Variants in ADAM12 observed in about 807,000 individuals in gnomAD.
The protein encoded by ADAM12 is ADAM metallopeptidase domain 12, also known as disintegrin and metalloproteinase domain-containing protein 12.
ADAM12 carries 70 observed loss-of-function variants against 106.4 expected under a neutral mutation model. The observed-to-expected ratio is 0.66, with a 90% CI of 0.54 to 0.80. The LOEUF is 0.80. Among genes scored for constraint, ADAM12 ranks in the 30% least tolerant of loss-of-function variants. The probability of loss-of-function intolerance (pLI) is 0.00; values close to 1 mark genes in which losing one functional copy is unlikely to be tolerated. For synonymous variants in ADAM12, 420 were observed against 433.5 expected, an observed-to-expected ratio of 0.97 and a Z score of 0.39; for missense variants, 1,010 against 1,171.9, an observed-to-expected ratio of 0.86 and a Z score of 2.02.
intron 2 of ADAM12, among the ~76,000 whole-genome samples, chr10:126,281,403 G>T (rs1440992301): frequency 6.6e-6 from 1 of 152,110 alleles, no homozygotes; most frequent in Non-Finnish European, 1.5e-5. Context: ...TATATTATTT[G>T]CAATATCCCT....
rs1229870342 is a variant in ADAM12 at position 126,242,818 on chromosome 10, A to T, written c.260+36097T>A. On this transcript the variant is annotated intron_variant, in intron 3 of 22. Coordinates refer to ENST00000448723, the MANE Select transcript of ADAM12 (RefSeq NM_001288973.2). ...GTCTGCCTCCCAGCTCTGGGTTCAC[A>T]TGGTGAGACAGAGCTCTTGCTGGCT... 2.6e-5 allele frequency among the ~76,000 whole-genome samples: 4 copies of T among 152,146 alleles called. No homozygotes were observed. The East Asian group carries it at 7.7e-4, about 29-fold the overall frequency.
chr10:126,343,344 C>A (rs192460535), intron 1 of ADAM12, among the ~76,000 whole-genome samples: 2,687 of 152,280 alleles, frequency 0.018, 77 homozygotes, highest in African/African-American at 0.062. Flanking sequence ...CATGTCCCTA[C>A]AAAGGATATC....
intron 5 of ADAM12, among the ~76,000 whole-genome samples, chr10:126,120,162 C>A (rs1956059244): frequency 6.6e-6 from 1 of 152,184 alleles, no homozygotes; most frequent in Non-Finnish European, 1.5e-5. Context: ...TAGAATAATT[C>A]ACATACATAC....
chr10:126,055,549 A>G (rs1450742563), intron 14 of ADAM12, among the ~76,000 whole-genome samples: 1 of 151,988 alleles, frequency 6.6e-6, no homozygotes, highest in Admixed American at 6.5e-5. Context: ...TTTCACTTAG[A>G]CTCAGCGTTT....
chr10:126,231,747 G>T (rs1305189740), intron 3 of ADAM12, among the ~76,000 whole-genome samples: 1 of 152,082 alleles, frequency 6.6e-6, no homozygotes, highest in Admixed American at 6.5e-5. Context: ...CCTGCCTCGG[G>T]GCGGCTGCTC....
chr10:126,216,584 C>T lies in ADAM12; in HGVS notation c.261-61279G>A, dbSNP rs142323175. ...AACTCCAGGAAAAGGGCTTATCCTC[C>T]GGGATCATAAATCTTCTCTCCTGAC... On this transcript the variant is annotated intron_variant, in intron 3 of 22. Coordinates refer to ENST00000448723, the MANE Select transcript of ADAM12 (RefSeq NM_001288973.2). Among the ~76,000 whole-genome samples, 401 of 152,330 alleles carry T rather than the reference C, an allele frequency of 2.6e-3. 2 individuals are homozygous for T. Among genetic ancestry groups the T allele is most frequent in the African/African-American group, 8.9e-3 (372 of 41,580 alleles).
rs10159642 is a variant in ADAM12, at chr10:126,155,466, C to A, written c.261-161G>T. Among the ~76,000 whole-genome samples, 184 of 151,158 alleles carry A rather than the reference C, an allele frequency of 1.2e-3. 1 individual carries two copies. The highest frequency in any genetic ancestry group is 4.1e-3 in the African/African-American group (169 of 41,140). The stretch of plus-strand genomic sequence containing the variant: ...CATTAGGGCCTTCCCAGTTTAGGTT[C>A]TCCGGGGAGAATTCAGAGGAGACTC... On this transcript the variant is annotated intron_variant, in intron 3 of 22. Coordinates refer to ENST00000448723, the MANE Select transcript of ADAM12 (RefSeq NM_001288973.2).
At chr10:126,345,026 G>A (rs549070236) in intron 1 of ADAM12, among the ~76,000 whole-genome samples, 1 of 152,192 alleles carries the variant, frequency 6.6e-6, no homozygotes, top group South Asian at 2.1e-4. Flanking sequence ...TCTTTCTCCT[G>A]CCTGATTGCC....
At chr10:126,094,297 G>C (rs143075995) in intron 10 of ADAM12, among the ~76,000 whole-genome samples, 164 bp from the exon 11 acceptor site, 1 of 152,150 alleles carries the variant, frequency 6.6e-6, no homozygotes, top group Non-Finnish European at 1.5e-5. Context: ...AACTTAAAAA[G>C]ATATAATTTG....
At chr10:126,359,771 G>A (rs935990468) in intron 1 of ADAM12, among the ~76,000 whole-genome samples, 35 of 152,292 alleles carry the variant, frequency 2.3e-4, no homozygotes, top group Non-Finnish European at 2.2e-4. Context: ...CTGGAGGATG[G>A]GGCGGCCCTC....
At chr10:126,293,853 G>A (rs893307730) in intron 2 of ADAM12, among the ~76,000 whole-genome samples, 1 of 152,090 alleles carries the variant, frequency 6.6e-6, no homozygotes, top group African/African-American at 2.4e-5. Context: ...CAGATGCCCT[G>A]GCCTTTAAAA....
In ADAM12 at chr10:126,337,736, G is replaced by A. The variant is rs139298925; in HGVS notation, c.89-7227C>T. Among the ~76,000 whole-genome samples the A allele has an allele frequency of 4.1e-3, 622 of 152,194 alleles. 3 individuals carry two copies. The highest frequency in any genetic ancestry group is 0.014 in the African/African-American group (592 of 41,522). On this transcript the variant is annotated intron_variant, in intron 1 of 22. Coordinates refer to ENST00000448723, the MANE Select transcript of ADAM12 (RefSeq NM_001288973.2). ...CACCTAATATTAACCATCACACATG[G>A]ATCTCATTTGGTTTAGGTTGTTTTT...
chr10:126,349,421 C>A (rs574851004), intron 1 of ADAM12, among the ~76,000 whole-genome samples: 7 of 152,316 alleles, frequency 4.6e-5, no homozygotes, highest in South Asian at 2.1e-4. Context: ...ACCTAGAGAG[C>A]TTTGCAGTTC....
Position 126,118,194 on chromosome 10 carries a change from A to G in ADAM12, c.447T>C (p.Tyr149=). The G allele has an allele frequency of 1.9e-6, 3 of 1,613,958 alleles. No individual in the cohort carries two copies. The highest frequency in any genetic ancestry group is 3.3e-4 in the Middle Eastern group (2 of 6,060). ...TTGCACTTTTCATTGGTTCTAAGAC[A>G]TAGCTTTCATTTTCAAACACAATAA... ...RGLIVFENES[Y]VLEPMKSATN... Residue 149 remains tyrosine, a synonymous_variant, in exon 6 of 23, where the codon TAT becomes TAC. Coordinates refer to ENST00000448723, the MANE Select transcript of ADAM12 (RefSeq NM_001288973.2).
chr10:126,121,362 A>G (rs1380413036), intron 5 of ADAM12, among the ~76,000 whole-genome samples: 1 of 125,546 alleles, frequency 8.0e-6, no homozygotes, highest in Non-Finnish European at 1.6e-5. Context: ...TATATTATAT[A>G]TTACATATGC....
chr10:126,201,884 G>A lies in ADAM12; in HGVS notation c.261-46579C>T, dbSNP rs575031928. ...GGCTCTGAGCAAGACCTTCTACCTCGAGCAGAGAGGCCTGCCCCAGAGAGA... is the reference window on the plus strand; with the variant it reads ...GGCTCTGAGCAAGACCTTCTACCTCAAGCAGAGAGGCCTGCCCCAGAGAGA... On this transcript the variant is annotated intron_variant, in intron 3 of 22. Transcript: ENST00000448723. Among the ~76,000 whole-genome samples, 3 of 152,308 alleles carry A rather than the reference G, an allele frequency of 2.0e-5. No homozygotes were observed. The East Asian group carries it at 5.8e-4, about 29-fold the overall frequency.
chr10:126,064,087 G>T lies in ADAM12; in HGVS notation c.1609+719C>A, dbSNP rs1482673243. On this transcript the variant is annotated intron_variant, in intron 14 of 22. Coordinates refer to ENST00000448723, the MANE Select transcript of ADAM12 (RefSeq NM_001288973.2). The surrounding 1 kb of genome is among the most constrained non-coding windows in gnomAD (Gnocchi z 4.4). ...GAGTTTGAGCATCATCTTCTGTAAAGCTTCATAGTCCCCACTTCAGGGGCT... is the reference window on the plus strand; with the variant it reads ...GAGTTTGAGCATCATCTTCTGTAAATCTTCATAGTCCCCACTTCAGGGGCT... 6.6e-6 allele frequency among the ~76,000 whole-genome samples: 1 copy of T among 152,200 alleles called. No individual in the cohort carries two copies. Among genetic ancestry groups the T allele is most frequent in the Non-Finnish European group, 1.5e-5 (1 of 68,040 alleles).
chr10:126,299,789 G>A (rs1960539098), intron 2 of ADAM12, among the ~76,000 whole-genome samples: 1 of 151,942 alleles, frequency 6.6e-6, no homozygotes, highest in Non-Finnish European at 1.5e-5. Context: ...GATTATAGGT[G>A]CCCACCACCA....
intron 3 of ADAM12, among the ~76,000 whole-genome samples, chr10:126,169,787 A>G (rs1366807058): frequency 6.6e-6 from 1 of 152,212 alleles, no homozygotes; most frequent in Non-Finnish European, 1.5e-5. Context: ...AAAAAAGTTC[A>G]GCCGACTTAT....
Sources: allele counts gnomAD v4.1 joint callset (sites outside exome capture counted in the v4.1 genomes callset), GRCh38; gene constraint gnomAD v4.1.1; non-coding constraint Gnocchi (gnomAD v3.1); transcripts MANE v1.5; gene names NCBI Gene and HGNC (gene_info 2026-07-23, HGNC 2026-07-21).